The following PCBD2 variants were observed in gnomAD, a reference collection of about 807,000 sequenced individuals.
PCBD2 encodes pterin-4-alpha-carbinolamine dehydratase 2.
A neutral mutation model predicts 16.4 loss-of-function variants in PCBD2; 12 were observed. That is an observed-to-expected ratio of 0.73 (90% CI 0.47 to 1.19). The LOEUF (loss-of-function observed/expected upper bound fraction) is 1.19, where lower values mean the gene tolerates loss of function less well. Ranked by LOEUF, PCBD2 falls within the 50% of genes most tolerant of loss-of-function variation. The pLI is 0.00. For missense variants in PCBD2, 138 were observed against 156.8 expected (o/e 0.88, Z 0.64); for synonymous variants, 58 against 61.8 (o/e 0.94, Z 0.29).
intron 2 of PCBD2, among the ~76,000 whole-genome samples, chr5:134,954,842 A>G (rs896713684): frequency 6.6e-6 from 1 of 151,682 alleles, no homozygotes; most frequent in Non-Finnish European, 1.5e-5. Flanking sequence ...CCTGGGTTCC[A>G]GTGATTCTCC....
chr5:134,960,269 G>A (rs1751460494), intron 3 of PCBD2, among the ~76,000 whole-genome samples: 2 of 152,144 alleles, frequency 1.3e-5, no homozygotes, highest in Admixed American at 6.5e-5. Context: ...AGTAACGAGA[G>A]TTCAATTGGA....
chr5:134,940,654 C>T (rs1049898495), intron 2 of PCBD2, among the ~76,000 whole-genome samples: 2 of 152,090 alleles, frequency 1.3e-5, no homozygotes, highest in Non-Finnish European at 2.9e-5. Flanking sequence ...TATTTCAGAG[C>T]AGTACTCTAT....
At chr5:134,958,874 A>C (rs979783150) in intron 2 of PCBD2, among the ~76,000 whole-genome samples, 166 bp from the exon 3 acceptor site, 1 of 152,208 alleles carries the variant, frequency 6.6e-6, no homozygotes, top group African/African-American at 2.4e-5. Flanking sequence ...GTCCTGCTGC[A>C]CTGTGACCCC....
intron 2 of PCBD2, among the ~76,000 whole-genome samples, chr5:134,953,122 G>A (rs1314467888): frequency 6.6e-6 from 1 of 151,072 alleles, no homozygotes; most frequent in African/African-American, 2.4e-5. Flanking sequence ...TCTTTATTTT[G>A]ATTGGTTGGA....
At chr5:134,910,531 C>T in intron 2 of PCBD2, 65 bp downstream of exon 2, 1 of 1,541,612 alleles carries the variant, frequency 6.5e-7, no homozygotes, top group Non-Finnish European at 8.9e-7. Context: ...ATAACACTTT[C>T]TGATTCTGCC....
At position 134,905,232 on chromosome 5, in the gene PCBD2, A is replaced by T. The variant is rs1384730166; in HGVS notation, c.84+9A>T. On this transcript the variant is annotated intron_variant, in intron 1 of 3. Transcript: ENST00000254908. ...TAGGGCTAGCGGCCATGGTGAGTGC[A>T]CAGCGGCCGCGTGGGTGGGGGTCCG... The T allele has an allele frequency of 6.5e-6, 8 of 1,222,290 alleles. No individual in the cohort carries two copies. The highest frequency in any genetic ancestry group is 8.1e-6 in the Non-Finnish European group (8 of 982,032). The allele number at this position is 1,222,290 out of a possible 1,614,324, so 75.7% of individuals were successfully genotyped here.
chr5:134,924,059 T>C (rs1442680558), intron 2 of PCBD2: 8 of 396,526 alleles, frequency 2.0e-5, no homozygotes, highest in Non-Finnish European at 2.7e-5. Context: ...TTAGTGTTCT[T>C]GTAGTTGAAA....
chr5:134,911,023 A>G (rs1750762947), intron 2 of PCBD2, among the ~76,000 whole-genome samples: 1 of 152,168 alleles, frequency 6.6e-6, no homozygotes, highest in East Asian at 1.9e-4. Context: ...CCTGGCCTCA[A>G]GCGATCCTCC....
chr5:134,908,004 C>T (rs983855658), intron 1 of PCBD2, among the ~76,000 whole-genome samples: 3 of 151,590 alleles, frequency 2.0e-5, no homozygotes, highest in Admixed American at 1.3e-4. Context: ...ACTGCAGCCT[C>T]AGTCATCTGG....
rs574111798 is a variant in PCBD2 at position 134,926,226 on chromosome 5, T to G, written c.216+15760T>G. 7.8e-4 allele frequency: 255 copies of G among 326,710 alleles called. 1 individual carries two copies. Among genetic ancestry groups the G allele is most frequent in the Middle Eastern group, 4.2e-3 (5 of 1,178 alleles). The allele number at this position is 326,710 out of a possible 1,614,324, so 20.2% of individuals were successfully genotyped here. On this transcript the variant is annotated intron_variant, in intron 2 of 3. Transcript: ENST00000254908. ...TGGAGAAATAATCTAGTTTGAAGCT[T>G]AGGGAGAGTTGGGTTGTTTGGGTTG...
chr5:134,916,015 A>T (rs184350824), intron 2 of PCBD2, among the ~76,000 whole-genome samples: 1 of 152,164 alleles, frequency 6.6e-6, no homozygotes. Flanking sequence ...GGGGCCAGGC[A>T]CGATGGCTCA....
At chr5:134,943,352 A>G (rs1751254907) in intron 2 of PCBD2, among the ~76,000 whole-genome samples, 1 of 152,200 alleles carries the variant, frequency 6.6e-6, no homozygotes, top group Admixed American at 6.5e-5. Context: ...TCACGGAAAC[A>G]TGAATTAGCA....
In PCBD2 at chr5:134,960,835, C is replaced by T. The variant is rs915472674; in HGVS notation, c.*154C>T. 9 of 585,610 alleles carry T rather than the reference C, an allele frequency of 1.5e-5. No individual in the cohort carries two copies. Among genetic ancestry groups the T allele is most frequent in the African/African-American group, 3.8e-5 (2 of 52,112 alleles). 36.3% of individuals were successfully genotyped at this position (585,610 alleles called of 1,614,324 possible). On this transcript the variant is annotated 3_prime_UTR_variant, in exon 4 of 4. Coordinates refer to ENST00000254908, the MANE Select transcript of PCBD2 (RefSeq NM_032151.5). ...AGGCCAGAGTGCAGTGGTATGATCT[C>T]GGCTCACTGTAACCTCCGCCTCCCA...
At chr5:134,931,320 G>A (rs777234703) in intron 2 of PCBD2, among the ~76,000 whole-genome samples, 12 of 152,146 alleles carry the variant, frequency 7.9e-5, no homozygotes, top group Admixed American at 3.9e-4. Flanking sequence ...GTTGCTTTAA[G>A]GTCATTCTGT....
chr5:134,959,753 C>G (rs2149541857), intron 3 of PCBD2, among the ~76,000 whole-genome samples: 1 of 152,254 alleles, frequency 6.6e-6, no homozygotes, highest in East Asian at 1.9e-4. Context: ...CTCAGAGCAC[C>G]TTGGTACCAG....
At chr5:134,960,064 G>A (rs1278192046) in intron 3 of PCBD2, among the ~76,000 whole-genome samples, 2 of 151,716 alleles carry the variant, frequency 1.3e-5, no homozygotes, top group Non-Finnish European at 2.9e-5. Context: ...ATTTTTAGTA[G>A]ATACGGGGTT....
In PCBD2 at chr5:134,954,956, G is replaced by A. The variant is rs1751398118; in HGVS notation, c.217-4084G>A. On this transcript the variant is annotated intron_variant, in intron 2 of 3. Transcript: ENST00000254908. ...GGGGTTTCTCCATGTTGGCCAGGCT[G>A]GTCTCTAACTCCTGACCTCAAGTGA... Among the ~76,000 whole-genome samples, 3 of 151,876 alleles carry A rather than the reference G, an allele frequency of 2.0e-5. No individual in the cohort carries two copies. The South Asian group carries it at 6.2e-4, about 32-fold the overall frequency.
chr5:134,935,821 G>C (rs1751152391), intron 2 of PCBD2, among the ~76,000 whole-genome samples: 1 of 152,238 alleles, frequency 6.6e-6, no homozygotes, highest in Admixed American at 6.5e-5. Context: ...GAATGAGACA[G>C]TTGTCATGTT....
intron 2 of PCBD2, among the ~76,000 whole-genome samples, chr5:134,938,847 A>G (rs570845738): frequency 2.0e-5 from 3 of 152,348 alleles, no homozygotes; most frequent in African/African-American, 4.8e-5. Flanking sequence ...TTACTAACTC[A>G]TAAAGTTACA....
Sources: gnomAD v4.1 joint callset for allele counts (sites outside exome capture counted in the v4.1 genomes callset) on GRCh38, gnomAD v4.1.1 for gene constraint, MANE v1.5 for transcripts, NCBI Gene and HGNC (gene_info 2026-07-23, HGNC 2026-07-21) for gene names.